Variants in PTK2 observed in about 807,000 individuals in gnomAD.
PTK2 encodes focal adhesion kinase 1.
In PTK2, 45 loss-of-function variants were observed where a neutral mutation model predicts 150.1. The ratio of observed to expected loss-of-function variants is 0.30; its 90% CI spans 0.24 to 0.38. PTK2 has a LOEUF of 0.38. Ranked by LOEUF, PTK2 falls within the 10% of genes least tolerant of loss-of-function variation. PTK2 has a pLI of 1.00. For missense variants in PTK2, 919 were observed against 1,307.3 expected (o/e 0.70, Z 4.58); for synonymous variants, 432 against 449.2 (o/e 0.96, Z 0.48).
intron 2 of PTK2, among the ~76,000 whole-genome samples, chr8:140,915,727 C>T (rs1568815592): frequency 6.6e-6 from 1 of 151,560 alleles, no homozygotes; most frequent in African/African-American, 2.4e-5. Flanking sequence ...TAAAACCCGT[C>T]TCTACTAAAA....
chr8:140,940,546 C>G (rs1273329307), intron 1 of PTK2: 2 of 152,136 alleles, frequency 1.3e-5, no homozygotes, highest in Non-Finnish European at 2.9e-5. Context: ...ACATCACTTG[C>G]CAAAATATGA....
intron 27 of PTK2, chr8:140,675,768 TA>T (rs2100013231): frequency 2.9e-6 from 1 of 345,552 alleles, no homozygotes. Context: ...ATAACCCATT[TA>T]AAATGTTCTT....
At chr8:140,902,182 C>A (rs1018130708) in intron 2 of PTK2, among the ~76,000 whole-genome samples, 1 of 151,980 alleles carries the variant, frequency 6.6e-6, no homozygotes, top group African/African-American at 2.4e-5. Context: ...TACAGGCGCA[C>A]GCCACCACGC....
chr8:140,987,323 A>T (rs1343090616), intron 1 of PTK2, among the ~76,000 whole-genome samples: 2 of 152,056 alleles, frequency 1.3e-5, no homozygotes, highest in East Asian at 1.9e-4. Flanking sequence ...TGGAATTACA[A>T]GCGTCCGCCA....
intron 8 of PTK2, among the ~76,000 whole-genome samples, chr8:140,826,918 TA>T (rs1286983564): frequency 6.6e-6 from 1 of 151,532 alleles, no homozygotes; most frequent in East Asian, 1.9e-4. Flanking sequence ...ACCCTGTCTC[TA>T]AAAAAAAGGA....
chr8:140,684,266 T>C (rs146599040), intron 27 of PTK2, among the ~76,000 whole-genome samples: 28 of 152,340 alleles, frequency 1.8e-4, no homozygotes, highest in African/African-American at 6.7e-4. Flanking sequence ...TCTCAGATCA[T>C]CAGGCATTAG....
intron 1 of PTK2, among the ~76,000 whole-genome samples, chr8:140,964,815 C>A (rs930390583): frequency 2.6e-5 from 4 of 152,080 alleles, no homozygotes; most frequent in Admixed American, 6.6e-5. Flanking sequence ...CTATACATTC[C>A]TGGCATCATT....
chr8:140,972,211 T>G (rs768985801), intron 1 of PTK2, among the ~76,000 whole-genome samples: 4 of 152,152 alleles, frequency 2.6e-5, no homozygotes, highest in Non-Finnish European at 5.9e-5. Flanking sequence ...TTCCTCTCAT[T>G]AGACCTGTAT....
exon 32 of PTK2, chr8:140,658,980 G>C (rs927161361): frequency 8.9e-6 from 2 of 225,690 alleles, no homozygotes; most frequent in Non-Finnish European, 1.8e-5. Context: ...CAACTGAAGG[G>C]TGTTCTAACA....
intron 1 of PTK2, among the ~76,000 whole-genome samples, chr8:140,929,005 G>A (rs1447630061): frequency 2.7e-5 from 3 of 109,326 alleles, no homozygotes; most frequent in South Asian, 3.2e-4. Context: ...TCGCTCTGTC[G>A]CCCAGGCTGG....
intron 1 of PTK2, among the ~76,000 whole-genome samples, chr8:140,973,320 T>G (rs1225035632): frequency 6.6e-6 from 1 of 152,176 alleles, no homozygotes; most frequent in African/African-American, 2.4e-5. Context: ...AGGCTTGACC[T>G]TTGGATGGGG....
At chr8:140,781,725 C>G (rs2100081789) in intron 14 of PTK2, among the ~76,000 whole-genome samples, 1 of 152,200 alleles carries the variant, frequency 6.6e-6, no homozygotes, top group African/African-American at 2.4e-5. Flanking sequence ...GAGACGAGTT[C>G]AGCTCAAGGG....
chr8:140,842,963 T>G (rs1347113233), intron 7 of PTK2, among the ~76,000 whole-genome samples: 1 of 152,114 alleles, frequency 6.6e-6, no homozygotes, highest in African/African-American at 2.4e-5. Context: ...AGCTCTCCTG[T>G]TTCAAGTAAT....
At chr8:140,819,293 T>C (rs1244286180) in intron 8 of PTK2, among the ~76,000 whole-genome samples, 1 of 152,198 alleles carries the variant, frequency 6.6e-6, no homozygotes, top group Non-Finnish European at 1.5e-5. Flanking sequence ...CAGAAGTTTG[T>C]ACTATATGTG....
Position 140,669,744 on chromosome 8 carries a change from G to A in PTK2, c.2710-1320C>T, listed in dbSNP as rs147869878. 1.2e-5 allele frequency: 19 copies of A among 1,533,384 alleles called. No individual in the cohort carries two copies. The highest frequency in any genetic ancestry group is 4.8e-5 in the South Asian group (4 of 83,936). The allele number at this position is 1,533,384 out of a possible 1,614,324, so 95.0% of individuals were successfully genotyped here. A position where few individuals can be genotyped will look rare whatever the true frequency, so the allele number is the denominator to read the frequency against. On this transcript the variant is annotated intron_variant, in intron 29 of 31. Coordinates refer to ENST00000522684, the Ensembl canonical transcript of PTK2. ...GTGCTTACCCTCCATGGCTATTGTC[G>A]AACGGAAGGTGAGGAAAAGTTAAAG...
chr8:140,830,079 A>G (rs1597604053), intron 8 of PTK2, among the ~76,000 whole-genome samples: 2 of 95,946 alleles, frequency 2.1e-5, no homozygotes, highest in East Asian at 3.0e-4. Context: ...ATGCACGCAC[A>G]CACATACACA....
chr8:140,964,427 G>A (rs2100184479), intron 1 of PTK2, among the ~76,000 whole-genome samples: 1 of 151,660 alleles, frequency 6.6e-6, no homozygotes, highest in African/African-American at 2.4e-5. Flanking sequence ...CATCCAGGCT[G>A]GATTGTGGCA....
intron 22 of PTK2, among the ~76,000 whole-genome samples, chr8:140,727,838 C>A (rs541221645): frequency 6.6e-6 from 1 of 152,146 alleles, no homozygotes; most frequent in East Asian, 1.9e-4. Context: ...AATACTCATT[C>A]AAATCTCACA....
chr8:140,969,953 T>C (rs548580259), intron 1 of PTK2, among the ~76,000 whole-genome samples: 19 of 152,298 alleles, frequency 1.2e-4, no homozygotes, highest in African/African-American at 4.6e-4. Context: ...GCAAGACTGG[T>C]AAGATAAAAG....
Sources: allele counts gnomAD v4.1 joint callset (sites outside exome capture counted in the v4.1 genomes callset), GRCh38; gene constraint gnomAD v4.1.1; transcripts MANE v1.5; gene names NCBI Gene and HGNC (gene_info 2026-07-23, HGNC 2026-07-21).